MICU1: variants seen among roughly 807,000 people sequenced by gnomAD.
The protein encoded by MICU1 is calcium uptake protein 1, mitochondrial.
In MICU1, 45 loss-of-function variants were observed where a neutral mutation model predicts 56.8. That is an observed-to-expected ratio of 0.79 (90% CI 0.62 to 1.02). The LOEUF (loss-of-function observed/expected upper bound fraction) is 1.02. Ranked by LOEUF, MICU1 falls within the 50% of genes least tolerant of loss-of-function variation. The pLI, the probability that MICU1 is intolerant of heterozygous loss-of-function variation, is 0.00. For synonymous variants in MICU1, 186 were observed against 195.1 expected, an observed-to-expected ratio of 0.95 and a Z score of 0.39; for missense variants, 504 against 587.1, an observed-to-expected ratio of 0.86 and a Z score of 1.46.
intron 1 of MICU1, among the ~76,000 whole-genome samples, chr10:72,588,928 G>T (rs956562933): frequency 2.0e-5 from 3 of 152,164 alleles, no homozygotes; most frequent in Non-Finnish European, 4.4e-5. Context: ...TCCCACTAAG[G>T]TGGCAAGTAA....
In MICU1 at chr10:72,368,091, A is replaced by AG; in HGVS notation, c.*103dup. ...GAGTCCTGAGGTCATCCCGGGAGGA[A>AG]GGGGGACTACTTCCAGAAGCAGCAG... On this transcript the variant is annotated 3_prime_UTR_variant, in exon 12 of 12. Coordinates refer to ENST00000361114, the MANE Select transcript of MICU1 (RefSeq NM_001195518.2). 5 of 1,233,758 alleles carry AG rather than the reference A, an allele frequency of 4.1e-6. No homozygotes were observed. The highest frequency in any genetic ancestry group is 5.6e-6 in the Non-Finnish European group (5 of 888,178). 76.4% of individuals were successfully genotyped at this position (1,233,758 alleles called of 1,614,324 possible). A position where few individuals can be genotyped will look rare whatever the true frequency, so the allele number is the denominator to read the frequency against.
intron 6 of MICU1, among the ~76,000 whole-genome samples, chr10:72,492,827 T>TAAAATAAAATAAAATAAAATAAA (rs1564900086): frequency 6.6e-6 from 1 of 150,916 alleles, no homozygotes; most frequent in African/African-American, 2.4e-5. Flanking sequence ...TAAAATAAAA[T>TAAAATAAAATAAAATAAAATAAA]GTATATGGGC....
rs1862194223 is a variant in MICU1, at chr10:72,367,748, T to C, written c.*447A>G. On this transcript the variant is annotated 3_prime_UTR_variant, in exon 12 of 12. Transcript: ENST00000361114. The stretch of plus-strand genomic sequence containing the variant: ...TCATTGTTTATCATCACAGACTTCT[T>C]TCTGCCTGCCAGATATCTTCCCTAC... The C allele has an allele frequency of 6.3e-6, 1 of 159,642 alleles. No homozygotes were observed. The highest frequency in any genetic ancestry group is 2.4e-5 in the African/African-American group (1 of 41,574). The allele number at this position is 159,642 out of a possible 1,614,324, so 9.9% of individuals were successfully genotyped here. A position where few individuals can be genotyped will look rare whatever the true frequency, so the allele number is the denominator to read the frequency against.
At chr10:72,473,186 T>C (rs1866001107) in intron 8 of MICU1, 1 of 152,118 alleles carries the variant, frequency 6.6e-6, no homozygotes, top group Non-Finnish European at 1.5e-5. Flanking sequence ...GTGAGCTATA[T>C]ATATAGATCT....
intron 1 of MICU1, among the ~76,000 whole-genome samples, chr10:72,574,617 C>G (rs778533985): frequency 3.3e-5 from 5 of 151,666 alleles, no homozygotes; most frequent in Non-Finnish European, 7.4e-5. Flanking sequence ...TTGTGTGGCA[C>G]AAGCAAGAAG....
At chr10:72,408,680 T>C (rs574467352) in intron 9 of MICU1, among the ~76,000 whole-genome samples, 16 of 152,210 alleles carry the variant, frequency 1.1e-4, no homozygotes, top group Non-Finnish European at 2.4e-4. Context: ...AATTGGGCTA[T>C]AGCTACTTGA....
At chr10:72,382,811 A>AG (rs991955161) in intron 10 of MICU1, among the ~76,000 whole-genome samples, 1 of 152,208 alleles carries the variant, frequency 6.6e-6, no homozygotes, top group African/African-American at 2.4e-5. Context: ...CAGGAGGCTG[A>AG]GGCAAGGGAA....
chr10:72,369,904 G>C (rs376410281), intron 11 of MICU1, among the ~76,000 whole-genome samples: 3 of 151,526 alleles, frequency 2.0e-5, no homozygotes, highest in Non-Finnish European at 4.4e-5. Flanking sequence ...TTTTTGAGAC[G>C]GAGTCTCACT....
chr10:72,531,842 T>C (rs2132406592), intron 5 of MICU1, among the ~76,000 whole-genome samples: 1 of 151,752 alleles, frequency 6.6e-6, no homozygotes, highest in East Asian at 1.9e-4. Context: ...ACTTTTAAAC[T>C]GATCAAACAA....
chr10:72,450,523 G>C (rs532890665), intron 8 of MICU1, among the ~76,000 whole-genome samples: 12 of 151,930 alleles, frequency 7.9e-5, no homozygotes, highest in Non-Finnish European at 1.6e-4. Flanking sequence ...GTTCTTTTCT[G>C]CTTCATACAC....
At chr10:72,433,642 C>G (rs963132879) in intron 8 of MICU1, among the ~76,000 whole-genome samples, 1 of 152,066 alleles carries the variant, frequency 6.6e-6, no homozygotes, top group Non-Finnish European at 1.5e-5. Context: ...GTTGGTCAGG[C>G]TGGTCTCGAA....
chr10:72,477,137 A>G (rs949854209), intron 7 of MICU1, 37 bp downstream of exon 7: 19 of 1,417,888 alleles, frequency 1.3e-5, no homozygotes, highest in Non-Finnish European at 1.5e-5. Flanking sequence ...TATTTTAAAT[A>G]TTAATGTATT....
rs143920912 is a variant in MICU1, at chr10:72,463,254, G to A, written c.933+11846C>T. ...AATTTTGTATTTTTAGTAGAGACGC[G>A]GTTTCTCCATGTTGGTCAGGCTGGT... On this transcript the variant is annotated intron_variant, in intron 8 of 11. Coordinates refer to ENST00000361114, the MANE Select transcript of MICU1 (RefSeq NM_001195518.2). 2.8e-3 allele frequency among the ~76,000 whole-genome samples: 423 copies of A among 152,116 alleles called. 3 individuals are homozygous for A. The highest frequency in any genetic ancestry group is 9.6e-3 in the African/African-American group (399 of 41,508).
At chr10:72,403,431 G>A (rs1210227016) in intron 10 of MICU1, among the ~76,000 whole-genome samples, 1 of 151,966 alleles carries the variant, frequency 6.6e-6, no homozygotes, top group African/African-American at 2.4e-5. Context: ...TGCCCAGGCT[G>A]GCTTTGAACT....
At chr10:72,510,504 C>T (rs949817838) in intron 5 of MICU1, among the ~76,000 whole-genome samples, 5 of 152,200 alleles carry the variant, frequency 3.3e-5, no homozygotes, top group Middle Eastern at 3.4e-3. Flanking sequence ...TAATCCCAAA[C>T]GTTGAAATCC....
At chr10:72,617,542 T>G (rs1357255719) in intron 1 of MICU1, among the ~76,000 whole-genome samples, 2 of 152,116 alleles carry the variant, frequency 1.3e-5, no homozygotes, top group Admixed American at 1.3e-4. Flanking sequence ...GGCTGACACC[T>G]GTAATGTAGA....
At chr10:72,393,656 G>C (rs1863152930) in intron 10 of MICU1, among the ~76,000 whole-genome samples, 1 of 152,224 alleles carries the variant, frequency 6.6e-6, no homozygotes, top group Non-Finnish European at 1.5e-5. Context: ...TGGTAGGAGA[G>C]CGAGAAAAGG....
At chr10:72,568,174 CCCT>C (rs1418939050) in intron 1 of MICU1, among the ~76,000 whole-genome samples, 1 of 151,936 alleles carries the variant, frequency 6.6e-6, no homozygotes, top group Non-Finnish European at 1.5e-5. Flanking sequence ...TCCTTGGAAG[CCCT>C]CCTCCCTACC....
At chr10:72,477,438 T>TAA in intron 6 of MICU1, 182 bp from the exon 7 acceptor site, 1 of 1,403,522 alleles carries the variant, frequency 7.1e-7, no homozygotes. Context: ...TTAGGAATAC[T>TAA]CCTTGAAACC....
Sources: allele counts gnomAD v4.1 joint callset (sites outside exome capture counted in the v4.1 genomes callset), GRCh38; gene constraint gnomAD v4.1.1; transcripts MANE v1.5; gene names NCBI Gene and HGNC (gene_info 2026-07-23, HGNC 2026-07-21).